Variants in ELOVL7 observed in about 807,000 individuals in gnomAD.
ELOVL7 encodes the protein ELOVL fatty acid elongase 7.
ELOVL7 carries 27 observed loss-of-function variants against 35.7 expected under a neutral mutation model. The observed-to-expected ratio is 0.76, with a 90% CI of 0.56 to 1.04. The LOEUF (loss-of-function observed/expected upper bound fraction) is 1.04. ELOVL7 is among the 50% of genes least tolerant of loss of function. The probability of loss-of-function intolerance (pLI) is 0.00; values close to 1 mark genes in which losing one functional copy is unlikely to be tolerated. For missense variants in ELOVL7, 327 were observed against 340.8 expected (o/e 0.96, Z 0.32); for synonymous variants, 113 against 114.6 (o/e 0.99, Z 0.09).
chr5:60,785,180 C>T (rs36020088), intron 3 of ELOVL7, among the ~76,000 whole-genome samples: 16 of 152,120 alleles, frequency 1.1e-4, no homozygotes, highest in Non-Finnish European at 2.1e-4. Flanking sequence ...ATGAGCATAA[C>T]TTCAAATACA....
chr5:60,820,381 A>T (rs1005198833), intron 1 of ELOVL7, among the ~76,000 whole-genome samples: 1 of 152,270 alleles, frequency 6.6e-6, no homozygotes, highest in Non-Finnish European at 1.5e-5. Context: ...TGTTATTTCA[A>T]TGAACTTAAA....
chr5:60,757,698 C>T, intron 7 of ELOVL7, 53 bp from the exon 8 acceptor site: 1 of 1,447,168 alleles, frequency 6.9e-7, no homozygotes, highest in Non-Finnish European at 9.3e-7. Context: ...AAATGAACCA[C>T]ATTTTCATCT....
At chr5:60,830,757 T>C (rs1190037840) in intron 1 of ELOVL7, among the ~76,000 whole-genome samples, 1 of 152,184 alleles carries the variant, frequency 6.6e-6, no homozygotes, top group African/African-American at 2.4e-5. Flanking sequence ...TGTGCAACCA[T>C]CACTACCATT....
At chr5:60,819,625 T>C (rs951122485) in intron 1 of ELOVL7, among the ~76,000 whole-genome samples, 3 of 152,076 alleles carry the variant, frequency 2.0e-5, no homozygotes, top group Admixed American at 6.5e-5. Context: ...CTACTAAATA[T>C]ACAAAAATTA....
intron 1 of ELOVL7, among the ~76,000 whole-genome samples, chr5:60,837,092 G>A (rs1052054068): frequency 6.6e-6 from 1 of 151,572 alleles, no homozygotes; most frequent in Non-Finnish European, 1.5e-5. Context: ...CATATGATGA[G>A]CCAGACTTTG....
At chr5:60,840,440 A>T (rs1465846104) in intron 1 of ELOVL7, among the ~76,000 whole-genome samples, 1 of 152,236 alleles carries the variant, frequency 6.6e-6, no homozygotes, top group Non-Finnish European at 1.5e-5. Context: ...ACCAGAACCT[A>T]GGAGAAGCAT....
At chr5:60,786,221 C>T (rs764885304) in intron 3 of ELOVL7, among the ~76,000 whole-genome samples, 3 of 152,040 alleles carry the variant, frequency 2.0e-5, no homozygotes, top group African/African-American at 2.4e-5. Context: ...GCATTAGCTT[C>T]GATGATATCT....
Position 60,841,674 on chromosome 5 carries a change from T to C in ELOVL7, c.-86+2486A>G, listed in dbSNP as rs74925644. ...CTGTCGTTCTATTGCTGAATACATC[T>C]ACTGTGTTAATCTGTCCATTTATGT... On this transcript the variant is annotated intron_variant, in intron 1 of 8. Coordinates refer to ENST00000508821, the MANE Select transcript of ELOVL7 (RefSeq NM_024930.3). Among the ~76,000 whole-genome samples the C allele has an allele frequency of 5.7e-4, 87 of 152,336 alleles. 1 individual carries two copies. The East Asian group carries it at 7.5e-3, about 13-fold the overall frequency.
At position 60,844,201 on chromosome 5, in the gene ELOVL7, A is replaced by G. The variant is rs1747361653; in HGVS notation, c.-127T>C. On this transcript the variant is annotated 5_prime_UTR_variant, in exon 1 of 9. Transcript: ENST00000508821. ...CCGAAGCGCCGGGCGCGCGCGGGAG[A>G]GAGGGCGGCGACTGGCAGCGCGAGC... is the stretch of plus-strand genomic sequence containing the variant. 1 of 151,710 alleles carries G rather than the reference A, an allele frequency of 6.6e-6. No individual in the cohort carries two copies. The highest frequency in any genetic ancestry group is 2.4e-5 in the African/African-American group (1 of 41,182). 9.4% of individuals were successfully genotyped at this position (151,710 alleles called of 1,614,324 possible).
chr5:60,787,495 G>T (rs1281478684), intron 2 of ELOVL7, 64 bp from the exon 3 acceptor site: 2 of 902,008 alleles, frequency 2.2e-6, no homozygotes, highest in Non-Finnish European at 3.3e-6. Flanking sequence ...CAAGCTTATA[G>T]TAATACATTA....
Position 60,792,909 on chromosome 5 carries a change from A to C in ELOVL7, c.-34-5478T>G, listed in dbSNP as rs1380631264. On this transcript the variant is annotated intron_variant, in intron 2 of 8. Coordinates refer to ENST00000508821, the MANE Select transcript of ELOVL7 (RefSeq NM_024930.3). Reference sequence around the variant, plus strand: ...GGATAGAGAAGACTAAAAATGATCTACAAACCTATCCCCTTGATGCATCCC... The same window carrying C: ...GGATAGAGAAGACTAAAAATGATCTCCAAACCTATCCCCTTGATGCATCCC... Among the ~76,000 whole-genome samples the C allele has an allele frequency of 3.3e-5, 5 of 152,332 alleles. No individual in the cohort carries two copies. The South Asian group carries it at 1.0e-3, about 32-fold the overall frequency.
chr5:60,839,355 G>A (rs113626686), intron 1 of ELOVL7, among the ~76,000 whole-genome samples: 4,248 of 151,880 alleles, frequency 0.028, 87 homozygotes, highest in African/African-American at 0.055. Flanking sequence ...AAAAAAGAAA[G>A]GAAAAGAAAT....
intron 1 of ELOVL7, among the ~76,000 whole-genome samples, chr5:60,818,533 T>G (rs1458368470): frequency 6.6e-6 from 1 of 152,068 alleles, no homozygotes; most frequent in Non-Finnish European, 1.5e-5. Context: ...TAGTAATGGT[T>G]CCTAAATTTT....
At chr5:60,781,486 G>T (rs1396941305) in intron 3 of ELOVL7, among the ~76,000 whole-genome samples, 1 of 152,100 alleles carries the variant, frequency 6.6e-6, no homozygotes, top group Non-Finnish European at 1.5e-5. Flanking sequence ...TCATTTCTCT[G>T]TTCTTCCTCT....
At chr5:60,801,330 A>G (rs1367726578) in intron 1 of ELOVL7, among the ~76,000 whole-genome samples, 1 of 152,216 alleles carries the variant, frequency 6.6e-6, no homozygotes. Flanking sequence ...TATGCAAAAA[A>G]GAAATAAAAA....
chr5:60,765,254 A>G (rs866668734), intron 6 of ELOVL7, among the ~76,000 whole-genome samples: 4 of 152,206 alleles, frequency 2.6e-5, no homozygotes, highest in Admixed American at 6.5e-5. Context: ...AAAAAGCCAT[A>G]CACTAACACT....
At chr5:60,807,978 G>A (rs1220786267) in intron 1 of ELOVL7, among the ~76,000 whole-genome samples, 15 of 120,638 alleles carry the variant, frequency 1.2e-4, no homozygotes, top group African/African-American at 3.9e-4. Flanking sequence ...CAGCCTGGGC[G>A]TGAGACTCCG....
At chr5:60,764,075 AT>A in intron 7 of ELOVL7, 151 bp downstream of exon 7, 1 of 655,764 alleles carries the variant, frequency 1.5e-6, no homozygotes, top group Middle Eastern at 2.9e-4. Context: ...TCTTATGTTT[AT>A]TTTTCAAGTA....
intron 1 of ELOVL7, among the ~76,000 whole-genome samples, chr5:60,809,959 T>C (rs1051079841): frequency 3.3e-4 from 51 of 152,336 alleles, no homozygotes; most frequent in African/African-American, 1.1e-3. Context: ...TATTGAACTC[T>C]ACAACTCAGG....
Sources: gnomAD v4.1 joint callset for allele counts (sites outside exome capture counted in the v4.1 genomes callset) on GRCh38, gnomAD v4.1.1 for gene constraint, MANE v1.5 for transcripts, NCBI Gene and HGNC (gene_info 2026-07-23, HGNC 2026-07-21) for gene names.